Variants in MCF2L observed in about 807,000 individuals in gnomAD.
The protein encoded by MCF2L is guanine nucleotide exchange factor DBS.
A neutral mutation model predicts 153.4 loss-of-function variants in MCF2L; 97 were observed. The observed-to-expected ratio is 0.63, with a 90% CI of 0.54 to 0.75. The LOEUF is 0.75. Ranked by LOEUF, MCF2L falls within the 30% of genes least tolerant of loss-of-function variation. The probability of loss-of-function intolerance (pLI) is 0.00; values close to 1 mark genes in which losing one functional copy is unlikely to be tolerated. For missense variants in MCF2L, 1,347 were observed against 1,495.2 expected (o/e 0.90, Z 1.64); for synonymous variants, 659 against 632.2 (o/e 1.04, Z -0.64).
chr13:113,074,870 G>C lies in MCF2L; in HGVS notation c.1117-128G>C. 1.1e-6 allele frequency: 1 copy of C among 897,292 alleles called. No individual in the cohort carries two copies. Among genetic ancestry groups the C allele is most frequent in the Middle Eastern group, 2.7e-4 (1 of 3,658 alleles). The allele number at this position is 897,292 out of a possible 1,614,324, so 55.6% of individuals were successfully genotyped here. A position where few individuals can be genotyped will look rare whatever the true frequency, so the allele number is the denominator to read the frequency against. ...CTTCGGGGATTAAGCAGCATCTCAG[G>C]CATCCGCAGCAGTAAACAAAGAAAT... is the stretch of plus-strand genomic sequence containing the variant. On this transcript the variant is annotated intron_variant, in intron 10 of 29. Transcript: ENST00000535094. This position sits in a 1 kb window ranked among gnomAD's most constrained non-coding sequence, Gnocchi z 4.2.
intron 4 of MCF2L, among the ~76,000 whole-genome samples, chr13:113,057,217 G>A (rs1477344891): frequency 6.7e-6 from 1 of 150,132 alleles, no homozygotes; most frequent in Non-Finnish European, 1.5e-5. Flanking sequence ...TAGGTGCTGT[G>A]TGTTTGGGTA....
At chr13:112,910,925 T>C (rs1471526155) in intron 2 of MCF2L, among the ~76,000 whole-genome samples, 1 of 147,996 alleles carries the variant, frequency 6.8e-6, no homozygotes, top group Non-Finnish European at 1.5e-5. Context: ...TGGAGGCACC[T>C]TGGAGAAACA....
chr13:112,923,320 G>T (rs2081372007), intron 2 of MCF2L, among the ~76,000 whole-genome samples: 1 of 136,158 alleles, frequency 7.3e-6, no homozygotes, highest in African/African-American at 2.8e-5. Context: ...CTGGAGTACA[G>T]TGGCAAGATC....
rs937030122 is a variant in MCF2L at position 113,053,689 on chromosome 13, C to A, written c.370-6904C>A. ...TGGTTCGGTGGTGGTTGCCACAGGG[C>A]TGTGTTTTCAAGGGGAGCAGCAGGT... On this transcript the variant is annotated intron_variant, in intron 4 of 29. Coordinates refer to ENST00000535094, the MANE Select transcript of MCF2L (RefSeq NM_001112732.3). This position sits in a 1 kb window ranked among gnomAD's most constrained non-coding sequence, Gnocchi z 4.4. 6.6e-6 allele frequency among the ~76,000 whole-genome samples: 1 copy of A among 152,128 alleles called. No individual in the cohort carries two copies. Among genetic ancestry groups the A allele is most frequent in the African/African-American group, 2.4e-5 (1 of 41,410 alleles).
rs1003346076 is a variant in MCF2L at position 112,999,073 on chromosome 13, C to T, written c.80-15690C>T. On this transcript the variant is annotated intron_variant, in intron 1 of 29. Coordinates refer to ENST00000535094, the MANE Select transcript of MCF2L (RefSeq NM_001112732.3). ...CGGCCTCTGATGGGCATTACTGTGG[C>T]CCCCCAGGGACACAGAGCAGGGCCA... Among the ~76,000 whole-genome samples, 5 of 152,132 alleles carry T rather than the reference C, an allele frequency of 3.3e-5. 1 individual carries two copies. Among genetic ancestry groups the T allele is most frequent in the African/African-American group, 4.8e-5 (2 of 41,436 alleles).
Position 112,985,148 on chromosome 13 carries a change from G to A in MCF2L, c.79+15690G>A, listed in dbSNP as rs60000519. The A allele has an allele frequency of 5.7e-3, 1,649 of 289,568 alleles. 61 individuals carry two copies. The East Asian group carries it at 0.1, about 18-fold the overall frequency. The allele number at this position is 289,568 out of a possible 1,614,324, so 17.9% of individuals were successfully genotyped here. A position where few individuals can be genotyped will look rare whatever the true frequency, so the allele number is the denominator to read the frequency against. On this transcript the variant is annotated intron_variant, in intron 1 of 29. Coordinates refer to ENST00000535094, the MANE Select transcript of MCF2L (RefSeq NM_001112732.3). ...CCTCAAGTTCCTCTCGGGCGGGCAC[G>A]GTGTGTCGCCTGGACCTGCATGTAA...
intron 2 of MCF2L, among the ~76,000 whole-genome samples, chr13:112,949,762 C>T (rs545401565): frequency 1.3e-5 from 2 of 151,578 alleles, no homozygotes; most frequent in African/African-American, 2.4e-5. Flanking sequence ...TTAATGACTA[C>T]CTACAAAAAA....
At position 113,076,120 on chromosome 13, in the gene MCF2L, A is replaced by G. The variant is rs766980247; in HGVS notation, c.1463A>G (p.Tyr488Cys). 6.2e-7 allele frequency: 1 copy of G among 1,613,840 alleles called. No individual in the cohort carries two copies. Among genetic ancestry groups the G allele is most frequent in the Admixed American group, 1.7e-5 (1 of 59,986 alleles). ...ENKIQELNAIYKEYESILNQD... is the reference protein window; with the variant it reads ...ENKIQELNAICKEYESILNQD... ...AAGATCCAGGAGCTCAACGCGATTT[A>G]CAAGGAATACGAATCCATCCTCAAC... Residue 488 changes from tyrosine to cysteine, a missense_variant, in exon 12 of 30, where the codon TAC becomes TGC. Physicochemically the swap from Tyr to Cys is radical, Grantham distance 194. Around this residue, in one of 3 missense-constraint regions of MCF2L, gnomAD observed 820 missense variants for 921.2 expected, o/e 0.89. Transcript: ENST00000535094.
chr13:113,001,344 C>T (rs964267456), intron 1 of MCF2L: 4 of 152,406 alleles, frequency 2.6e-5, no homozygotes, highest in Non-Finnish European at 4.4e-5. Flanking sequence ...GCTCAACTCC[C>T]CACAGGCGTG....
chr13:112,965,267 T>G (rs536415808), upstream of MCF2L: 3 of 152,372 alleles, frequency 2.0e-5, no homozygotes, highest in Admixed American at 6.5e-5. Flanking sequence ...CACGTCACAC[T>G]GGCCCCGGAG....
At position 113,045,383 on chromosome 13, in the gene MCF2L, G is replaced by C; in HGVS notation, c.369+22G>C. ...CGCAGTAAGTGCCACCCGGGGCTCT[G>C]CCCTGCGCCCGGCCCCTCCCTGGGC... On this transcript the variant is annotated intron_variant, in intron 4 of 29. Transcript: ENST00000535094. The surrounding 1 kb of genome is among the most constrained non-coding windows in gnomAD (Gnocchi z 4.2). 6.2e-7 allele frequency: 1 copy of C among 1,600,876 alleles called. No individual in the cohort carries two copies. The highest frequency in any genetic ancestry group is 8.6e-7 in the Non-Finnish European group (1 of 1,168,470).
At chr13:113,096,201 G>T (rs937041267) in intron 27 of MCF2L, 170 bp from the exon 28 acceptor site, 2 of 619,706 alleles carry the variant, frequency 3.2e-6, no homozygotes, top group South Asian at 1.9e-5. Context: ...CGGTAGTCAT[G>T]CCCTGCGGCG....
intron 4 of MCF2L, among the ~76,000 whole-genome samples, chr13:113,057,885 GTGTT>G (rs1228556290): frequency 1.3e-4 from 19 of 142,060 alleles, no homozygotes; most frequent in Admixed American, 1.2e-3. Flanking sequence ...TGGATGCTGA[GTGTT>G]TGGGTGCTGA....
intron 21 of MCF2L, among the ~76,000 whole-genome samples, chr13:113,086,610 G>A (rs369395252): frequency 9.2e-5 from 14 of 152,184 alleles, no homozygotes; most frequent in African/African-American, 3.4e-4. Flanking sequence ...TCTGGGCTGC[G>A]ATTTGCAGGC....
At chr13:112,981,816 T>C (rs1386176832) in intron 1 of MCF2L, among the ~76,000 whole-genome samples, 1 of 152,354 alleles carries the variant, frequency 6.6e-6, no homozygotes, top group East Asian at 1.9e-4. Flanking sequence ...CCACCTGGCA[T>C]GGACGCCTGG....
At chr13:112,896,993 G>A (rs2081073897) in intron 1 of MCF2L, among the ~76,000 whole-genome samples, 1 of 152,098 alleles carries the variant, frequency 6.6e-6, no homozygotes, top group African/African-American at 2.4e-5. Flanking sequence ...CATGCAGGCT[G>A]AGAGCCCACC....
At chr13:113,085,618 C>G (rs1255166414) in intron 20 of MCF2L, among the ~76,000 whole-genome samples, 1 of 151,990 alleles carries the variant, frequency 6.6e-6, no homozygotes, top group Admixed American at 6.5e-5. Context: ...GGAAACTCCC[C>G]AGGGAGCAGG....
intron 26 of MCF2L, chr13:113,093,599 C>G (rs1054529678): frequency 1.3e-5 from 2 of 152,324 alleles, no homozygotes; most frequent in African/African-American, 2.4e-5. Flanking sequence ...GCCCCACACC[C>G]TCCATCGCAA....
At chr13:112,895,382 G>C (rs371248990) in intron 1 of MCF2L, among the ~76,000 whole-genome samples, 1 of 152,256 alleles carries the variant, frequency 6.6e-6, no homozygotes, top group Admixed American at 6.5e-5. Flanking sequence ...CACGGGGACC[G>C]ACACGGCTGA....
Sources: gnomAD v4.1 joint callset for allele counts (sites outside exome capture counted in the v4.1 genomes callset) on GRCh38, gnomAD v4.1.1 for gene constraint, gnomAD v4.1.1 regional missense constraint, Gnocchi (gnomAD v3.1) non-coding constraint, MANE v1.5 for transcripts, NCBI Gene and HGNC (gene_info 2026-07-23, HGNC 2026-07-21) for gene names.